The following PCDH15 variants were observed in gnomAD, a reference collection of about 807,000 sequenced individuals.
The protein encoded by PCDH15 is protocadherin-15.
In PCDH15, 129 loss-of-function variants were observed where a neutral mutation model predicts 178.5. The observed-to-expected ratio is 0.72, with a 90% confidence interval of 0.63 to 0.84. The LOEUF (loss-of-function observed/expected upper bound fraction) is 0.84. Ranked by LOEUF, PCDH15 falls within the 40% of genes least tolerant of loss-of-function variation. The probability of loss-of-function intolerance (pLI) is 0.00; values close to 1 mark genes in which losing one functional copy is unlikely to be tolerated. For missense variants in PCDH15, 2,230 were observed against 2,099.9 expected (o/e 1.06, Z -1.21); for synonymous variants, 800 against 732.0 (o/e 1.09, Z -1.50).
chr10:54,708,801 T>TGTGTGTGTGTGTGC (rs959581064), intron 1 of PCDH15, among the ~76,000 whole-genome samples: 1 of 125,568 alleles, frequency 8.0e-6, no homozygotes, highest in African/African-American at 2.8e-5. Context: ...TGTGTGTGTG[T>TGTGTGTGTGTGTGC]GCGCGCGCGT....
chr10:54,853,287 GTGTATATATATATATA>G (rs1953664222), intron 3 of PCDH15, among the ~76,000 whole-genome samples: 1 of 56,570 alleles, frequency 1.8e-5, no homozygotes, highest in Non-Finnish European at 3.3e-5. Flanking sequence ...GTATGTATGT[GTGTATATATATATATA>G]TATATATATA....
chr10:55,141,859 TTA>T, intron 2 of PCDH15, among the ~76,000 whole-genome samples: 1 of 35,970 alleles, frequency 2.8e-5, no homozygotes, highest in Non-Finnish European at 1.6e-4. Flanking sequence ...AAAAGGTTTA[TTA>T]TTTTTTTTTA....
intron 16 of PCDH15, among the ~76,000 whole-genome samples, chr10:54,081,691 G>A (rs1429337212): frequency 6.6e-6 from 1 of 152,038 alleles, no homozygotes; most frequent in Non-Finnish European, 1.5e-5. Flanking sequence ...TATCAGGCCA[G>A]GATACATTGG....
chr10:54,295,007 T>C (rs758206009), intron 8 of PCDH15, among the ~76,000 whole-genome samples: 16 of 152,200 alleles, frequency 1.1e-4, no homozygotes, highest in Non-Finnish European at 2.2e-4. Flanking sequence ...AAATTCATAG[T>C]GTGGTCATGA....
At chr10:55,613,448 T>C (rs1188449090) in intron 2 of PCDH15, among the ~76,000 whole-genome samples, 2 of 152,164 alleles carry the variant, frequency 1.3e-5, no homozygotes, top group East Asian at 1.9e-4. Context: ...ATATGTGAAC[T>C]GATTATTCAC....
intron 2 of PCDH15, among the ~76,000 whole-genome samples, chr10:55,379,501 G>C (rs1299574517): frequency 6.6e-6 from 1 of 151,788 alleles, no homozygotes; most frequent in African/African-American, 2.4e-5. Context: ...GTACATAGTA[G>C]GTTATAGGTC....
chr10:53,824,619 C>CTAAT (rs886485976), intron 32 of PCDH15, among the ~76,000 whole-genome samples: 3 of 152,072 alleles, frequency 2.0e-5, no homozygotes, highest in Non-Finnish European at 4.4e-5. Flanking sequence ...ACAATCTGGA[C>CTAAT]TAATCAGAGT....
At chr10:55,330,577 G>A (rs990412484) in intron 2 of PCDH15, among the ~76,000 whole-genome samples, 4 of 151,746 alleles carry the variant, frequency 2.6e-5, no homozygotes, top group Non-Finnish European at 4.4e-5. Flanking sequence ...GGAAATTATA[G>A]CTGTTATTTT....
chr10:53,806,455 T>C lies in PCDH15; in HGVS notation c.*124A>G. 1.2e-6 allele frequency: 1 copy of C among 810,934 alleles called. No homozygotes were observed. Among genetic ancestry groups the C allele is most frequent in the Non-Finnish European group, 1.9e-6 (1 of 531,492 alleles). 50.2% of individuals were successfully genotyped at this position (810,934 alleles called of 1,614,324 possible). A position where few individuals can be genotyped will look rare whatever the true frequency, so the allele number is the denominator to read the frequency against. ...TGTCTCTTAAAATTTTAAAGCATAT[T>C]GTTCAAAGTTTTAGCTTGTGTGCAT... On this transcript the variant is annotated 3_prime_UTR_variant, in exon 38 of 38. Coordinates refer to ENST00000644397, the MANE Select transcript of PCDH15 (RefSeq NM_001384140.1).
intron 2 of PCDH15, among the ~76,000 whole-genome samples, chr10:55,111,230 C>T (rs1193514494): frequency 6.6e-6 from 1 of 152,072 alleles, no homozygotes; most frequent in African/African-American, 2.4e-5. Context: ...ATTAATTAAT[C>T]ATTTATTAAG....
intron 13 of PCDH15, among the ~76,000 whole-genome samples, chr10:54,176,559 A>C (rs576747864): frequency 9.1e-4 from 138 of 152,218 alleles, no homozygotes; most frequent in Non-Finnish European, 1.6e-3. Flanking sequence ...GATTCATAAC[A>C]TGAAGGGATG....
intron 21 of PCDH15, among the ~76,000 whole-genome samples, chr10:53,979,106 A>T (rs918925252): frequency 6.6e-5 from 10 of 152,078 alleles, no homozygotes; most frequent in African/African-American, 2.2e-4. Context: ...CTGGTATCAA[A>T]TTACTGTATT....
intron 25 of PCDH15, among the ~76,000 whole-genome samples, chr10:53,916,067 T>C (rs1434880548): frequency 6.6e-6 from 1 of 152,148 alleles, no homozygotes; most frequent in Non-Finnish European, 1.5e-5. Context: ...ATCAATCATC[T>C]CCAGATAACT....
intron 1 of PCDH15, among the ~76,000 whole-genome samples, chr10:54,794,126 GATATATAT>G (rs532827234): frequency 2.8e-5 from 4 of 143,860 alleles, no homozygotes; most frequent in Non-Finnish European, 6.0e-5. Flanking sequence ...ATATATATAA[GATATATAT>G]ATATCTTATA....
chr10:54,731,896 G>T (rs533668665), intron 1 of PCDH15, among the ~76,000 whole-genome samples: 2 of 150,810 alleles, frequency 1.3e-5, no homozygotes, highest in African/African-American at 2.4e-5. Flanking sequence ...GATCAATAGG[G>T]TGATTATAGT....
intron 1 of PCDH15, among the ~76,000 whole-genome samples, chr10:55,192,337 G>GA (rs976512059): frequency 3.6e-4 from 55 of 151,228 alleles, no homozygotes; most frequent in Non-Finnish European, 1.8e-4. Context: ...TGTTTGGCAG[G>GA]AAAAAAAATA....
chr10:55,367,199 T>A (rs994652266), intron 2 of PCDH15, among the ~76,000 whole-genome samples: 1 of 152,144 alleles, frequency 6.6e-6, no homozygotes, highest in Non-Finnish European at 1.5e-5. Flanking sequence ...GCATGAATAG[T>A]TTCCACTGTT....
intron 1 of PCDH15, among the ~76,000 whole-genome samples, chr10:54,675,270 A>T (rs1394442392): frequency 1.3e-5 from 2 of 151,926 alleles, no homozygotes; most frequent in Non-Finnish European, 2.9e-5. Context: ...CCATTTTTCC[A>T]TACTTTTAAA....
At position 54,752,502 on chromosome 10, in the gene PCDH15, AAAAC is replaced by A. The variant is rs1566127895; in HGVS notation, c.-29+48419_-29+48422del. On this transcript the variant is annotated intron_variant, in intron 1 of 37. Coordinates refer to ENST00000644397, the MANE Select transcript of PCDH15 (RefSeq NM_001384140.1). ...AAAAAAAAAAAAAAACAAAAAACAA[AAAAC>A]AAAAAACAAACAAACAAACAAACAA... is the stretch of plus-strand genomic sequence containing the variant. Among the ~76,000 whole-genome samples the A allele has an allele frequency of 2.1e-3, 188 of 90,978 alleles. 21 individuals are homozygous for A. Among genetic ancestry groups the A allele is most frequent in the African/African-American group, 4.1e-3 (107 of 26,254 alleles). The allele number at this position is 90,978 out of a possible 152,430, so 59.7% of individuals were successfully genotyped here. A position where few individuals can be genotyped will look rare whatever the true frequency, so the allele number is the denominator to read the frequency against.
Sources: gnomAD v4.1 joint callset for allele counts (sites outside exome capture counted in the v4.1 genomes callset) on GRCh38, gnomAD v4.1.1 for gene constraint, MANE v1.5 for transcripts, NCBI Gene and HGNC (gene_info 2026-07-23, HGNC 2026-07-21) for gene names.